The following GRIP1 variants were observed in gnomAD, a reference collection of about 807,000 sequenced individuals.
The protein encoded by GRIP1 is glutamate receptor interacting protein 1, also known as glutamate receptor-interacting protein 1.
A neutral mutation model predicts 129.9 loss-of-function variants in GRIP1; 45 were observed. The ratio of observed to expected loss-of-function variants is 0.35; its 90% CI spans 0.27 to 0.44. GRIP1 has a LOEUF of 0.44. Among genes scored for constraint, GRIP1 ranks in the 20% least tolerant of loss-of-function variants. The pLI is 1.00. For synonymous variants in GRIP1, 530 were observed against 520.8 expected, an observed-to-expected ratio of 1.02 and a Z score of -0.24; for missense variants, 1,196 against 1,396.8, an observed-to-expected ratio of 0.86 and a Z score of 2.29.
At chr12:67,007,061 C>A (rs1367312972) in intron 1 of GRIP1, among the ~76,000 whole-genome samples, 1 of 152,110 alleles carries the variant, frequency 6.6e-6, no homozygotes, top group Admixed American at 6.5e-5. Flanking sequence ...AGACAGAATA[C>A]CATCAAATCC....
chr12:66,444,767 T>A, intron 12 of GRIP1, 38 bp from the exon 13 acceptor site: 1 of 1,607,004 alleles, frequency 6.2e-7, no homozygotes, highest in Non-Finnish European at 8.5e-7. Context: ...GTAGATGGAG[T>A]AAATAATTAC....
At chr12:66,835,163 CAAACA>C (rs1295277822) in intron 1 of GRIP1, among the ~76,000 whole-genome samples, 1 of 151,960 alleles carries the variant, frequency 6.6e-6, no homozygotes, top group Non-Finnish European at 1.5e-5. Flanking sequence ...AATAAACAAA[CAAACA>C]AAACAACAGA....
intron 1 of GRIP1, among the ~76,000 whole-genome samples, chr12:66,946,560 C>A (rs1204545858): frequency 1.3e-5 from 2 of 151,778 alleles, no homozygotes; most frequent in African/African-American, 2.4e-5. Context: ...TAGTTATTCT[C>A]AAATTTTAGC....
At chr12:66,502,352 A>G (rs117684608) in intron 7 of GRIP1, among the ~76,000 whole-genome samples, 1,836 of 152,294 alleles carry the variant, frequency 0.012, 42 homozygotes, top group East Asian at 0.1. Flanking sequence ...ACTACTCATC[A>G]CCATGGTACC....
chr12:66,733,122 T>C (rs1335896360), intron 1 of GRIP1, among the ~76,000 whole-genome samples: 2 of 152,116 alleles, frequency 1.3e-5, no homozygotes, highest in Non-Finnish European at 2.9e-5. Flanking sequence ...CTGAGAAGCA[T>C]CCTTGTAGCC....
intron 1 of GRIP1, among the ~76,000 whole-genome samples, chr12:67,014,159 G>A (rs983490696): frequency 1.4e-4 from 22 of 152,200 alleles, no homozygotes; most frequent in East Asian, 9.7e-4. Context: ...TTTCATTTAC[G>A]TAAGCCAATA....
chr12:66,484,123 T>C (rs1175025718), intron 7 of GRIP1, among the ~76,000 whole-genome samples: 1 of 152,104 alleles, frequency 6.6e-6, no homozygotes, highest in Non-Finnish European at 1.5e-5. Context: ...CCTCCCAAAG[T>C]GCTAGGATTA....
intron 1 of GRIP1, among the ~76,000 whole-genome samples, chr12:66,614,658 C>T (rs78639260): frequency 1.0e-3 from 155 of 152,170 alleles, no homozygotes; most frequent in African/African-American, 3.6e-3. Context: ...CAGTACTTCC[C>T]AGCTTAAAGT....
rs139359208 is a variant in GRIP1, at chr12:66,874,925, C to T, written c.58+194125G>A. 8.4e-3 allele frequency among the ~76,000 whole-genome samples: 1,256 copies of T among 149,960 alleles called. 21 individuals are homozygous for T. Among genetic ancestry groups the T allele is most frequent in the African/African-American group, 0.028 (1,138 of 40,654 alleles). On this transcript the variant is annotated intron_variant, in intron 1 of 1. Transcript: ENST00000643019. Reference sequence around the variant, plus strand: ...AAAATTATCTCAGCTTACACATTAGCAGCCTTTGTACATTCTAAGATATAT... The same window carrying T: ...AAAATTATCTCAGCTTACACATTAGTAGCCTTTGTACATTCTAAGATATAT...
intron 1 of GRIP1, among the ~76,000 whole-genome samples, chr12:67,038,182 C>T (rs2135801256): frequency 6.6e-6 from 1 of 152,226 alleles, no homozygotes; most frequent in African/African-American, 2.4e-5. Context: ...CAAGGAGAGT[C>T]CATAGAAGGC....
intron 1 of GRIP1, among the ~76,000 whole-genome samples, chr12:66,950,478 A>G (rs1487491314): frequency 6.6e-6 from 1 of 152,200 alleles, no homozygotes; most frequent in Non-Finnish European, 1.5e-5. Context: ...TATATCTATT[A>G]AAAGTCATAG....
intron 1 of GRIP1, among the ~76,000 whole-genome samples, chr12:67,063,364 T>C (rs1291894790): frequency 6.6e-6 from 1 of 152,216 alleles, no homozygotes; most frequent in African/African-American, 2.4e-5. Context: ...AATATGCAGA[T>C]ATACTTGAAG....
At chr12:66,498,683 T>G (rs1041568487) in intron 7 of GRIP1, among the ~76,000 whole-genome samples, 2 of 151,480 alleles carry the variant, frequency 1.3e-5, no homozygotes, top group Non-Finnish European at 2.9e-5. Flanking sequence ...TTGACACTTA[T>G]AAACTGTCAT....
In GRIP1 at chr12:66,761,164, C is replaced by T. The variant is rs561160912; in HGVS notation, c.-420+42889G>A. 1.2e-4 allele frequency among the ~76,000 whole-genome samples: 18 copies of T among 152,148 alleles called. No individual in the cohort carries two copies. In the South Asian group the frequency reaches 2.9e-3, roughly 25 times the overall value. On this transcript the variant is annotated intron_variant, in intron 1 of 4. Transcript: ENST00000538373. ...CCCTTCCTGCTTGACTCCACTGTAA[C>T]AGATCCTTCGCTAAATCTTGCCTTT...
At chr12:66,643,178 T>C (rs2032081553) in intron 1 of GRIP1, among the ~76,000 whole-genome samples, 1 of 152,236 alleles carries the variant, frequency 6.6e-6, no homozygotes, top group African/African-American at 2.4e-5. Flanking sequence ...AGGCATGTCC[T>C]TTCTGGAAGA....
At chr12:66,600,145 C>T (rs1271203707) in intron 1 of GRIP1, among the ~76,000 whole-genome samples, 3 of 152,172 alleles carry the variant, frequency 2.0e-5, no homozygotes, top group Non-Finnish European at 4.4e-5. Flanking sequence ...CTAAAGCAAA[C>T]AACACTTACA....
intron 7 of GRIP1, among the ~76,000 whole-genome samples, chr12:66,500,300 T>TA (rs1211461081): frequency 1.3e-5 from 2 of 152,154 alleles, no homozygotes; most frequent in African/African-American, 4.8e-5. Context: ...TTAATCACAA[T>TA]ACTCTATTGT....
chr12:66,964,968 A>T (rs1380322030), intron 1 of GRIP1, among the ~76,000 whole-genome samples: 1 of 152,050 alleles, frequency 6.6e-6, no homozygotes, highest in African/African-American at 2.4e-5. Context: ...TCTCATGAGG[A>T]TAACAGACCA....
intron 2 of GRIP1, among the ~76,000 whole-genome samples, chr12:66,557,250 T>A (rs955564258): frequency 1.3e-5 from 2 of 152,092 alleles, no homozygotes; most frequent in African/African-American, 4.8e-5. Flanking sequence ...TATATAATGA[T>A]AAAAGGGTAA....
Sources: gnomAD v4.1 joint callset for allele counts (sites outside exome capture counted in the v4.1 genomes callset) on GRCh38, gnomAD v4.1.1 for gene constraint, MANE v1.5 for transcripts, NCBI Gene and HGNC (gene_info 2026-07-23, HGNC 2026-07-21) for gene names.